The following ALG6 variants were observed in gnomAD, a reference collection of about 807,000 sequenced individuals.
ALG6 encodes ALG6 alpha-1,3-glucosyltransferase.
In ALG6, 46 loss-of-function variants were observed where a neutral mutation model predicts 66.6. The observed-to-expected ratio is 0.69, with a 90% CI of 0.55 to 0.88. ALG6 has a LOEUF of 0.88. ALG6 is among the 40% of genes least tolerant of loss of function. The probability of loss-of-function intolerance (pLI) is 0.00; values close to 1 mark genes in which losing one functional copy is unlikely to be tolerated. For synonymous variants in ALG6, 185 were observed against 203.7 expected, an observed-to-expected ratio of 0.91 and a Z score of 0.78; for missense variants, 505 against 586.8, an observed-to-expected ratio of 0.86 and a Z score of 1.44.
chr1:63,382,164 T>A (rs184937828), intron 2 of ALG6, among the ~76,000 whole-genome samples: 3,521 of 150,920 alleles, frequency 0.023, 127 homozygotes, highest in African/African-American at 0.078. Flanking sequence ...ATTTTTTTTT[T>A]AAAAATTTTA....
intron 3 of ALG6, among the ~76,000 whole-genome samples, chr1:63,400,210 T>A (rs866129780): frequency 0.091 from 2,139 of 23,522 alleles, 355 homozygotes; most frequent in African/African-American, 0.27. Context: ...AAAAAAAATA[T>A]ATATATATAT....
rs1345130104 is a variant in ALG6, at chr1:63,437,929, T to TTATAG, written c.*913_*917dup. On this transcript the variant is annotated 3_prime_UTR_variant, in exon 15 of 15. Coordinates refer to ENST00000263440, the MANE Select transcript of ALG6 (RefSeq NM_013339.4). ...CTGTATTAGCAGAAGCCAATATTTA[T>TTATAG]TATAGTATTCAACTGGTAAAAATAA... The TTATAG allele has an allele frequency of 2.0e-5, 3 of 152,130 alleles. No individual in the cohort carries two copies. Among genetic ancestry groups the TTATAG allele is most frequent in the Non-Finnish European group, 2.9e-5 (2 of 68,012 alleles). The allele number at this position is 152,130 out of a possible 1,614,324, so 9.4% of individuals were successfully genotyped here. A position where few individuals can be genotyped will look rare whatever the true frequency, so the allele number is the denominator to read the frequency against.
chr1:63,371,259 T>A (rs897242206), intron 2 of ALG6, 200 bp downstream of exon 2: 2 of 566,700 alleles, frequency 3.5e-6, no homozygotes, highest in Non-Finnish European at 6.3e-6. Context: ...CGCTTTGTGA[T>A]GTGAGAAAGC....
chr1:63,414,099 T>G lies in ALG6; in HGVS notation c.855T>G (p.Phe285Leu), dbSNP rs1424935215. 1 of 1,613,320 alleles carries G rather than the reference T, an allele frequency of 6.2e-7. No individual in the cohort carries two copies. The highest frequency in any genetic ancestry group is 8.5e-7 in the Non-Finnish European group (1 of 1,179,414). ...ATATTTGGTGCAGCTTCAATGTCTT[T>G]CTGAAGATTAAGGATATTTTGCCAC... ...VANIWCSFNV[F>L]LKIKDILPRH... Residue 285 changes from phenylalanine to leucine, a missense_variant, in exon 10 of 15, where the codon TTT (phenylalanine) becomes TTG (leucine). Coordinates refer to ENST00000263440, the MANE Select transcript of ALG6 (RefSeq NM_013339.4).
intron 7 of ALG6, among the ~76,000 whole-genome samples, chr1:63,407,511 A>T (rs578210787): frequency 2.8e-4 from 43 of 152,102 alleles, no homozygotes; most frequent in South Asian, 1.0e-3. Flanking sequence ...GAGTTTAAAA[A>T]TTTTTTTTCT....
chr1:63,400,477 C>T (rs1047214614), intron 3 of ALG6, among the ~76,000 whole-genome samples: 22 of 149,446 alleles, frequency 1.5e-4, no homozygotes, highest in African/African-American at 3.2e-4. Flanking sequence ...TTCTCTTATG[C>T]CTCTTTGTTC....
At chr1:63,431,846 A>G (rs1190763166) in intron 14 of ALG6, among the ~76,000 whole-genome samples, 2 of 152,190 alleles carry the variant, frequency 1.3e-5, no homozygotes, top group Non-Finnish European at 2.9e-5. Context: ...CATTGCTACT[A>G]TATACAAATA....
At chr1:63,404,370 T>C in intron 4 of ALG6, 83 bp from the exon 5 acceptor site, 1 of 1,112,188 alleles carries the variant, frequency 9.0e-7, no homozygotes, top group Non-Finnish European at 1.4e-6. Flanking sequence ...CTCAAAATAT[T>C]AATACATTCA....
chr1:63,417,974 A>G (rs1644553471), intron 11 of ALG6, among the ~76,000 whole-genome samples: 1 of 152,026 alleles, frequency 6.6e-6, no homozygotes, highest in African/African-American at 2.4e-5. Context: ...TGTCTCTACT[A>G]AAAATACAAA....
intron 2 of ALG6, among the ~76,000 whole-genome samples, chr1:63,385,319 T>G (rs549636068): frequency 6.4e-4 from 96 of 150,776 alleles, no homozygotes; most frequent in Middle Eastern, 3.4e-3. Flanking sequence ...CCTGCCTCAG[T>G]CTCCTGAGTA....
At chr1:63,372,626 T>C (rs1647968224) in intron 2 of ALG6, among the ~76,000 whole-genome samples, 2 of 151,802 alleles carry the variant, frequency 1.3e-5, no homozygotes. Flanking sequence ...ATATAGCAAA[T>C]GTGTATGTAG....
At chr1:63,368,976 T>TCC (rs1365730390) in intron 1 of ALG6, among the ~76,000 whole-genome samples, 1 of 152,146 alleles carries the variant, frequency 6.6e-6, no homozygotes, top group African/African-American at 2.4e-5. Context: ...CCAACCACCA[T>TCC]CCCTTCTTTC....
Position 63,414,157 on chromosome 1 carries a change from C to G in ALG6, c.902+11C>G. Reference sequence around the variant, plus strand: ...CCAATTAATAATGAGGTAAGAGAAACAAAGTTTGTATGTAGTATTTTATAA... The same window carrying G: ...CCAATTAATAATGAGGTAAGAGAAAGAAAGTTTGTATGTAGTATTTTATAA... On this transcript the variant is annotated intron_variant, in intron 10 of 14. Transcript: ENST00000263440. 6.4e-7 allele frequency: 1 copy of G among 1,556,888 alleles called. No individual in the cohort carries two copies. The highest frequency in any genetic ancestry group is 8.9e-7 in the Non-Finnish European group (1 of 1,128,738).
intron 2 of ALG6, among the ~76,000 whole-genome samples, chr1:63,386,739 G>T (rs1486891693): frequency 6.6e-6 from 1 of 151,610 alleles, no homozygotes; most frequent in Non-Finnish European, 1.5e-5. Context: ...TCTCAATTTT[G>T]TTTATCTTTT....
intron 2 of ALG6, among the ~76,000 whole-genome samples, chr1:63,393,341 CT>C (rs1368210692): frequency 6.6e-6 from 1 of 152,166 alleles, no homozygotes; most frequent in Non-Finnish European, 1.5e-5. Flanking sequence ...ATTAAGCAAA[CT>C]TTTAATGTAC....
intron 2 of ALG6, among the ~76,000 whole-genome samples, chr1:63,379,762 TCATA>T (rs902389353): frequency 6.7e-6 from 1 of 149,236 alleles, no homozygotes; most frequent in Non-Finnish European, 1.5e-5. Flanking sequence ...CAAATATAAA[TCATA>T]CATTATATAT....
At position 63,438,117 on chromosome 1, in the gene ALG6, C is replaced by G. The variant is rs1170804452; in HGVS notation, c.*1097C>G. The G allele has an allele frequency of 6.6e-6, 1 of 151,854 alleles. No homozygotes were observed. The highest frequency in any genetic ancestry group is 2.4e-5 in the African/African-American group (1 of 41,318). The allele number at this position is 151,854 out of a possible 1,614,324, so 9.4% of individuals were successfully genotyped here. A position where few individuals can be genotyped will look rare whatever the true frequency, so the allele number is the denominator to read the frequency against. On this transcript the variant is annotated 3_prime_UTR_variant, in exon 15 of 15. Coordinates refer to ENST00000263440, the MANE Select transcript of ALG6 (RefSeq NM_013339.4). ...AGTGGTGGTATATTTTAATATAGTGCAAATCAAACCACATACAAAAAAAAA... is the reference window on the plus strand; with the variant it reads ...AGTGGTGGTATATTTTAATATAGTGGAAATCAAACCACATACAAAAAAAAA...
intron 12 of ALG6, among the ~76,000 whole-genome samples, chr1:63,422,102 AATATAAATAT>A (rs1258575264): frequency 2.2e-4 from 22 of 98,034 alleles, no homozygotes; most frequent in South Asian, 1.7e-3. Context: ...TAAATATATA[AATATAAATAT>A]ATATAAATAT....
At chr1:63,387,456 A>T (rs1193227359) in intron 2 of ALG6, among the ~76,000 whole-genome samples, 1 of 149,520 alleles carries the variant, frequency 6.7e-6, no homozygotes, top group Non-Finnish European at 1.5e-5. Context: ...TGCTGGATGC[A>T]TATATATTTA....
Sources: gnomAD v4.1 joint callset for allele counts (sites outside exome capture counted in the v4.1 genomes callset) on GRCh38, gnomAD v4.1.1 for gene constraint, MANE v1.5 for transcripts, NCBI Gene and HGNC (gene_info 2026-07-23, HGNC 2026-07-21) for gene names.